ZC3H12B: variants seen among roughly 807,000 people sequenced by gnomAD.
ZC3H12B encodes zinc finger CCCH-type containing 12B, also known as probable ribonuclease ZC3H12B.
In ZC3H12B, 7 loss-of-function variants were observed where a neutral mutation model predicts 43.9. The observed-to-expected ratio is 0.16, with a 90% confidence interval of 0.09 to 0.30. The LOEUF (loss-of-function observed/expected upper bound fraction) is 0.30, where lower values mean the gene tolerates loss of function less well. ZC3H12B is among the 10% of genes least tolerant of loss of function. ZC3H12B has a pLI of 1.00. For synonymous variants in ZC3H12B, 222 were observed against 241.7 expected (o/e 0.92, Z 0.76); for missense variants, 475 against 670.2 (o/e 0.71, Z 3.22).
chrX:65,201,246 G>A, the ZC3H12B span, among the ~76,000 whole-genome samples: 7 of 111,214 alleles, frequency 6.3e-5, no homozygotes, highest in African/African-American at 2.3e-4. Context: ...GGTCTATTTA[G>A]GGATTCAATC....
chrX:65,275,589 A>G, the ZC3H12B span, among the ~76,000 whole-genome samples: 219 of 113,066 alleles, frequency 1.9e-3, no homozygotes, highest in African/African-American at 6.6e-3. Context: ...AGATGCTAGT[A>G]GTTTGAATTA....
intron 3 of ZC3H12B, among the ~76,000 whole-genome samples, chrX:65,440,981 C>T (rs2067293705): frequency 8.9e-6 from 1 of 112,408 alleles, no homozygotes; most frequent in Non-Finnish European, 1.9e-5. Flanking sequence ...TTAACAATGG[C>T]TGCCATCAAA....
chrX:65,338,379 C>A, the ZC3H12B span, among the ~76,000 whole-genome samples: 1 of 111,620 alleles, frequency 9.0e-6, no homozygotes, highest in Admixed American at 9.5e-5. Flanking sequence ...TAAAAACCCA[C>A]CAACCAAATG....
chrX:65,453,720 C>T (rs369663911), intron 3 of ZC3H12B, among the ~76,000 whole-genome samples: 43 of 109,141 alleles, frequency 3.9e-4, no homozygotes, highest in African/African-American at 1.3e-3. Context: ...CAGAGTGAGA[C>T]CATGTCACAC....
At chrX:65,241,450 C>A in the ZC3H12B span, among the ~76,000 whole-genome samples, 123 of 1,532 alleles carry the variant, frequency 0.08, 1 homozygote, top group African/African-American at 0.16. Context: ...TGGCAGCTTC[C>A]CCTCCTGGGG....
chrX:65,459,859 G>A (rs1169523792), intron 3 of ZC3H12B, among the ~76,000 whole-genome samples: 1 of 111,443 alleles, frequency 9.0e-6, no homozygotes. Flanking sequence ...TCTGGCCAGG[G>A]CAATTAGGCA....
chrX:65,211,218 A>T, the ZC3H12B span, among the ~76,000 whole-genome samples: 1 of 108,842 alleles, frequency 9.2e-6, no homozygotes, highest in African/African-American at 3.3e-5. Context: ...CCTTTGTCAG[A>T]TGGATAGATT....
the ZC3H12B span, among the ~76,000 whole-genome samples, chrX:65,173,386 C>T: frequency 9.0e-6 from 1 of 111,679 alleles, no homozygotes; most frequent in Non-Finnish European, 1.9e-5. Flanking sequence ...GTTTGTCTTT[C>T]TCTCTTACTG....
intron 3 of ZC3H12B, among the ~76,000 whole-genome samples, chrX:65,447,487 T>C (rs1456573254): frequency 8.9e-6 from 1 of 112,100 alleles, no homozygotes; most frequent in Non-Finnish European, 1.9e-5. Context: ...ATAAAAATTC[T>C]AGAAGAAAAC....
At chrX:65,466,434 TAGAC>T (rs1433725765) in intron 3 of ZC3H12B, among the ~76,000 whole-genome samples, 2 of 110,258 alleles carry the variant, frequency 1.8e-5, no homozygotes, top group Admixed American at 2.0e-4. Context: ...GATAGATAAA[TAGAC>T]AGATCTCACA....
chrX:65,361,541 G>T, the ZC3H12B span, among the ~76,000 whole-genome samples: 1 of 111,560 alleles, frequency 9.0e-6, no homozygotes, highest in Non-Finnish European at 1.9e-5. Flanking sequence ...TCTTCTCTCT[G>T]GTTTACTGTT....
At chrX:65,260,638 G>C in the ZC3H12B span, among the ~76,000 whole-genome samples, 2 of 112,089 alleles carry the variant, frequency 1.8e-5, no homozygotes, top group Non-Finnish European at 3.8e-5. Context: ...CTCATACACT[G>C]TTTGTGGAAA....
At chrX:65,488,961 A>G (rs1602525871) in exon 1 of ZC3H12B, 1 of 1,209,136 alleles carries the variant, frequency 8.3e-7, no homozygotes, top group Non-Finnish European at 1.1e-6. Flanking sequence ...CCTTAAGAGT[A>G]GCGACAACAG....
chrX:65,342,488 A>T, the ZC3H12B span, among the ~76,000 whole-genome samples: 1 of 112,325 alleles, frequency 8.9e-6, no homozygotes, highest in Non-Finnish European at 1.9e-5. Flanking sequence ...ATATAATTAG[A>T]AGTCAAGACT....
At chrX:65,285,444 A>G in the ZC3H12B span, among the ~76,000 whole-genome samples, 1 of 111,033 alleles carries the variant, frequency 9.0e-6, no homozygotes, top group East Asian at 2.8e-4. Flanking sequence ...TAAAAGTTTA[A>G]AAAGAAAATT....
At chrX:65,306,469 T>A in the ZC3H12B span, among the ~76,000 whole-genome samples, 2 of 110,967 alleles carry the variant, frequency 1.8e-5, no homozygotes, top group African/African-American at 6.6e-5. Context: ...GCCTCCTGGG[T>A]TCTAGCAATT....
At chrX:65,233,920 T>C in the ZC3H12B span, among the ~76,000 whole-genome samples, 1 of 111,333 alleles carries the variant, frequency 9.0e-6, no homozygotes, top group Admixed American at 9.6e-5. Flanking sequence ...ATTGAAAGCA[T>C]CATGAGAGAG....
At chrX:65,324,727 C>T in the ZC3H12B span, among the ~76,000 whole-genome samples, 2 of 111,082 alleles carry the variant, frequency 1.8e-5, no homozygotes, top group African/African-American at 6.5e-5. Context: ...TATGGTCTAT[C>T]CTGGAGAATG....
intron 2 of ZC3H12B, among the ~76,000 whole-genome samples, chrX:65,371,691 A>T (rs1416656152): frequency 8.9e-6 from 1 of 112,436 alleles, no homozygotes; most frequent in African/African-American, 3.2e-5. Context: ...AGCTCTAGAC[A>T]TTATGAAAGA....
Sources: gnomAD v4.1 joint callset for allele counts (sites outside exome capture counted in the v4.1 genomes callset) on GRCh38, gnomAD v4.1.1 for gene constraint, MANE v1.5 for transcripts, NCBI Gene and HGNC (gene_info 2026-07-23, HGNC 2026-07-21) for gene names.